The following CACNA1A variants were observed in gnomAD, a reference collection of about 807,000 sequenced individuals.
CACNA1A encodes the protein voltage-dependent P/Q-type calcium channel subunit alpha-1A.
Under a neutral mutation model 262.4 loss-of-function variants are expected in CACNA1A, and 57 were observed. The ratio of observed to expected loss-of-function variants is 0.22; its 90% CI spans 0.18 to 0.27. The LOEUF (loss-of-function observed/expected upper bound fraction) is 0.27. Among genes scored for constraint, CACNA1A ranks in the 10% least tolerant of loss-of-function variants. CACNA1A has a pLI of 1.00. For synonymous variants in CACNA1A, 1,431 were observed against 1,419.3 expected, an observed-to-expected ratio of 1.01 and a Z score of -0.18; for missense variants, 2,526 against 3,562.8, an observed-to-expected ratio of 0.71 and a Z score of 7.41.
At chr19:13,427,496 A>G (rs901744211) in intron 3 of CACNA1A, among the ~76,000 whole-genome samples, 17 of 151,184 alleles carry the variant, frequency 1.1e-4, no homozygotes, top group African/African-American at 3.4e-4. Context: ...AAATAAATAA[A>G]GAGTTCCCCC....
At chr19:13,440,115 AC>A (rs1352204895) in intron 3 of CACNA1A, among the ~76,000 whole-genome samples, 1 of 151,798 alleles carries the variant, frequency 6.6e-6, no homozygotes, top group African/African-American at 2.4e-5. Context: ...CTGTGCTACC[AC>A]CCCCAGCTAA....
intron 3 of CACNA1A, among the ~76,000 whole-genome samples, chr19:13,372,496 G>T (rs1435246266): frequency 6.6e-6 from 1 of 152,150 alleles, no homozygotes; most frequent in Non-Finnish European, 1.5e-5. Flanking sequence ...TTAACAAATG[G>T]CAGGAAAGTA....
At position 13,262,718 on chromosome 19, in the gene CACNA1A, C is replaced by T; in HGVS notation, c.4089+16G>A. 5 of 1,557,700 alleles carry T rather than the reference C, an allele frequency of 3.2e-6. No homozygotes were observed. The highest frequency in any genetic ancestry group is 4.4e-6 in the Non-Finnish European group (5 of 1,131,338). On this transcript the variant is annotated intron_variant, in intron 25 of 46. Transcript: ENST00000360228. ...GACAGTCCCCCCCACCGCACCCCAC[C>T]ATCTCCCAATCTCACCTTGAGCTTT...
Position 13,308,380 on chromosome 19 carries a change from C to A in CACNA1A, c.1781+36G>T, listed in dbSNP as rs199523423. ...GCCCCACCATGTCCCCCATCCCCAC[C>A]CCCTGTACAAATGTCCAGGAACCCC... is the stretch of plus-strand genomic sequence containing the variant. On this transcript the variant is annotated intron_variant, in intron 13 of 46. Transcript: ENST00000360228. The surrounding 1 kb of genome is among the most constrained non-coding windows in gnomAD (Gnocchi z 4.2). The A allele has an allele frequency of 1.2e-5, 19 of 1,556,386 alleles. 1 individual carries two copies. The South Asian group carries it at 1.3e-4, about 10-fold the overall frequency.
At position 13,214,721 on chromosome 19, in the gene CACNA1A, C is replaced by T; in HGVS notation, c.5732-113G>A. 1 of 795,092 alleles carries T rather than the reference C, an allele frequency of 1.3e-6. No individual in the cohort carries two copies. Among genetic ancestry groups the T allele is most frequent in the Non-Finnish European group, 2.1e-6 (1 of 480,032 alleles). 49.3% of individuals were successfully genotyped at this position (795,092 alleles called of 1,614,324 possible). A position where few individuals can be genotyped will look rare whatever the true frequency, so the allele number is the denominator to read the frequency against. On this transcript the variant is annotated intron_variant, in intron 38 of 46. Transcript: ENST00000360228. The surrounding 1 kb of genome is among the most constrained non-coding windows in gnomAD (Gnocchi z 4.1). ...ACGAGACCCCAATCTTTCTGGTCCC[C>T]ATGGGGTCTCCAGTTCCCCAACGGC...
chr19:13,324,349 G>T (rs2058311665), intron 10 of CACNA1A, among the ~76,000 whole-genome samples: 2 of 152,290 alleles, frequency 1.3e-5, no homozygotes, highest in South Asian at 4.2e-4. Context: ...ATCGCATTTA[G>T]TGATGCATTA....
chr19:13,383,842 A>C (rs1034199626), intron 3 of CACNA1A, among the ~76,000 whole-genome samples: 3 of 152,070 alleles, frequency 2.0e-5, no homozygotes, highest in African/African-American at 7.2e-5. Flanking sequence ...TTAAGACAGG[A>C]TCTCACTCTG....
chr19:13,252,891 G>A, intron 30 of CACNA1A, 100 bp downstream of exon 30: 1 of 703,978 alleles, frequency 1.4e-6, no homozygotes, highest in African/African-American at 1.8e-5. Context: ...CCTTGAGGTT[G>A]GGGTTCTTGG....
At chr19:13,336,594 G>GGAGGGAGAGGGAGAGAGAGAGAGA in intron 6 of CACNA1A, among the ~76,000 whole-genome samples, 1 of 65,494 alleles carries the variant, frequency 1.5e-5, no homozygotes, top group Non-Finnish European at 3.1e-5. Flanking sequence ...AGAGAGAGAG[G>GGAGGGAGAGGGAGAGAGAGAGAGA]GAGAGAGAGA....
chr19:13,286,660 G>A lies in CACNA1A; in HGVS notation c.3396C>T (p.Ser1132=), dbSNP rs2057407182. Residue 1132 remains serine (S), a synonymous_variant, in exon 20 of 47, where the codon TCC becomes TCT. Coordinates refer to ENST00000360228, the MANE Select transcript of CACNA1A (RefSeq NM_001127222.2). ...RRTPNNPGNP[S]NPGPPKTPEN... ...CGGGGGTCTTGGGGGGGCCGGGATT[G>A]GATGGGTTCCCCGGGTTGTTGGGCG... The A allele has an allele frequency of 1.3e-6, 2 of 1,555,370 alleles. No individual in the cohort carries two copies. The highest frequency in any genetic ancestry group is 1.7e-6 in the Non-Finnish European group (2 of 1,149,938).
intron 9 of CACNA1A, among the ~76,000 whole-genome samples, chr19:13,332,172 G>T (rs915488620): frequency 1.3e-5 from 2 of 152,146 alleles, no homozygotes; most frequent in African/African-American, 4.8e-5. Flanking sequence ...AGGCCAAGGT[G>T]TGCAGATCAT....
chr19:13,210,854 C>G (rs987339848), intron 43 of CACNA1A: 5 of 626,592 alleles, frequency 8.0e-6, no homozygotes, highest in Non-Finnish European at 1.4e-5. Context: ...CCCAGGCCCC[C>G]GGGGCTGGGC....
chr19:13,218,664 T>C (rs7256827), intron 38 of CACNA1A, among the ~76,000 whole-genome samples: 98,341 of 152,106 alleles, frequency 0.65, 32,196 homozygotes, highest in Middle Eastern at 0.81. Context: ...AATGTAGCTC[T>C]ATCTCCTGGG....
intron 34 of CACNA1A, among the ~76,000 whole-genome samples, chr19:13,233,308 T>C (rs1273411192): frequency 6.6e-6 from 1 of 152,148 alleles, no homozygotes; most frequent in Admixed American, 6.5e-5. Context: ...CGGCCCTCTA[T>C]TCTTTTTTTG....
At chr19:13,381,323 T>C (rs1192460038) in intron 3 of CACNA1A, among the ~76,000 whole-genome samples, 1 of 152,042 alleles carries the variant, frequency 6.6e-6, no homozygotes, top group African/African-American at 2.4e-5. Flanking sequence ...CACTTGAGTT[T>C]GGGATTTTGA....
intron 30 of CACNA1A, 57 bp downstream of exon 30, chr19:13,252,934 T>C (rs368751905): frequency 7.6e-5 from 90 of 1,181,746 alleles, no homozygotes; most frequent in African/African-American, 6.2e-4. Flanking sequence ...CCAGGACCCA[T>C]TGTTCCCCCT....
chr19:13,455,658 T>G (rs1044501325), intron 1 of CACNA1A, among the ~76,000 whole-genome samples: 3 of 152,068 alleles, frequency 2.0e-5, no homozygotes, highest in African/African-American at 7.2e-5. Flanking sequence ...CTATGTTATG[T>G]AGTAAGATGG....
At chr19:13,429,963 G>A (rs1442302841) in intron 3 of CACNA1A, among the ~76,000 whole-genome samples, 1 of 133,048 alleles carries the variant, frequency 7.5e-6, no homozygotes, top group African/African-American at 2.8e-5. Flanking sequence ...GGGGCTGGGG[G>A]AGTGGGGAGT....
chr19:13,405,988 T>C (rs2059995487), intron 3 of CACNA1A, among the ~76,000 whole-genome samples: 1 of 152,084 alleles, frequency 6.6e-6, no homozygotes, highest in Non-Finnish European at 1.5e-5. Flanking sequence ...ATTGCCTGGA[T>C]GGTCTTCCCT....
Sources: allele counts gnomAD v4.1 joint callset (sites outside exome capture counted in the v4.1 genomes callset), GRCh38; gene constraint gnomAD v4.1.1; non-coding constraint Gnocchi (gnomAD v3.1); transcripts MANE v1.5; gene names NCBI Gene and HGNC (gene_info 2026-07-23, HGNC 2026-07-21).